The following VWA8 variants were observed in gnomAD, a reference collection of about 807,000 sequenced individuals.
VWA8 encodes von Willebrand factor A domain-containing protein 8.
A neutral mutation model predicts 241.5 loss-of-function variants in VWA8; 221 were observed. That is an observed-to-expected ratio of 0.91 (90% CI 0.82 to 1.02). The LOEUF is 1.02. Ranked by LOEUF, VWA8 falls within the 50% of genes least tolerant of loss-of-function variation. The pLI is 0.00. For synonymous variants in VWA8, 852 were observed against 827.1 expected (o/e 1.03, Z -0.52); for missense variants, 2,322 against 2,328.7 (o/e 1.00, Z 0.06).
chr13:41,954,782 G>T (rs1878284358), intron 1 of VWA8, among the ~76,000 whole-genome samples: 1 of 152,188 alleles, frequency 6.6e-6, no homozygotes, highest in Admixed American at 6.5e-5. Context: ...CTCAGAATTT[G>T]TAATATTTTT....
intron 26 of VWA8, among the ~76,000 whole-genome samples, chr13:41,718,762 G>T (rs1357226523): frequency 6.6e-6 from 1 of 151,256 alleles, no homozygotes; most frequent in African/African-American, 2.4e-5. Context: ...TATAATCAGT[G>T]ATTTATATTT....
intron 16 of VWA8, among the ~76,000 whole-genome samples, chr13:41,813,429 A>G (rs1870555219): frequency 6.6e-6 from 1 of 152,230 alleles, no homozygotes; most frequent in Non-Finnish European, 1.5e-5. Flanking sequence ...GACTGATATC[A>G]AAAGTCAAAT....
intron 9 of VWA8, among the ~76,000 whole-genome samples, chr13:41,874,440 T>C (rs560904890): frequency 2.0e-5 from 3 of 152,000 alleles, no homozygotes; most frequent in East Asian, 1.9e-4. Context: ...AAAACCCCAT[T>C]GTCTCAGCCC....
intron 24 of VWA8, among the ~76,000 whole-genome samples, chr13:41,723,463 A>C (rs2045408546): frequency 1.3e-5 from 2 of 152,338 alleles, no homozygotes; most frequent in South Asian, 4.1e-4. Flanking sequence ...TTCACAGTTC[A>C]TAACAAAGAA....
intron 37 of VWA8, among the ~76,000 whole-genome samples, chr13:41,664,320 C>A (rs762627788): frequency 6.6e-6 from 1 of 151,646 alleles, no homozygotes; most frequent in Non-Finnish European, 1.5e-5. Context: ...CTACTTCTCT[C>A]AAAATTAGAA....
intron 26 of VWA8, among the ~76,000 whole-genome samples, chr13:41,715,011 G>A (rs1214694231): frequency 6.6e-6 from 1 of 151,704 alleles, no homozygotes; most frequent in Non-Finnish European, 1.5e-5. Context: ...CTTAGAATTG[G>A]AATTAATATT....
chr13:41,685,256 A>G lies in VWA8; in HGVS notation c.4132-14T>C, dbSNP rs776944768. On this transcript the variant is annotated splice_polypyrimidine_tract_variant and intron_variant, in intron 34 of 44. Coordinates refer to ENST00000379310, the MANE Select transcript of VWA8 (RefSeq NM_015058.2). ...TTCACTGGGTGACTGAAAAAAAGAA[A>G]GAGATTAAAGTACTGAAGTACCATA... is the stretch of plus-strand genomic sequence containing the variant. The G allele has an allele frequency of 2.1e-5, 33 of 1,607,830 alleles. No individual in the cohort carries two copies. The African/African-American group carries it at 3.6e-4, about 18-fold the overall frequency.
intron 36 of VWA8, among the ~76,000 whole-genome samples, chr13:41,672,269 T>C (rs1439932503): frequency 6.6e-6 from 1 of 152,236 alleles, no homozygotes; most frequent in East Asian, 1.9e-4. Flanking sequence ...CACACATATT[T>C]CATTATATAT....
intron 5 of VWA8, among the ~76,000 whole-genome samples, chr13:41,891,075 T>C (rs760755246): frequency 2.6e-5 from 4 of 151,646 alleles, no homozygotes; most frequent in Non-Finnish European, 4.4e-5. Flanking sequence ...CTAGAAGTCA[T>C]TAGCCTTTTA....
intron 2 of VWA8, among the ~76,000 whole-genome samples, chr13:41,925,415 A>ATTC (rs539551409): frequency 1.3e-3 from 196 of 152,376 alleles, no homozygotes; most frequent in African/African-American, 4.6e-3. Flanking sequence ...CGAAGGTTAA[A>ATTC]AGTCAATTCA....
chr13:41,625,883 C>G (rs1011328796), intron 37 of VWA8, among the ~76,000 whole-genome samples: 1 of 151,670 alleles, frequency 6.6e-6, no homozygotes, highest in Admixed American at 6.6e-5. Flanking sequence ...ACATATACAC[C>G]ATGGAATACT....
At chr13:41,915,623 A>T (rs562202751) in intron 2 of VWA8, among the ~76,000 whole-genome samples, 2 of 152,328 alleles carry the variant, frequency 1.3e-5, no homozygotes, top group African/African-American at 4.8e-5. Context: ...AGCCCAGAGA[A>T]AGAGTTTCTC....
chr13:41,777,066 A>G (rs77981339), intron 20 of VWA8, among the ~76,000 whole-genome samples: 2,120 of 152,262 alleles, frequency 0.014, 14 homozygotes, highest in East Asian at 0.02. Flanking sequence ...CAATAGAGGA[A>G]AATTATCAGG....
At chr13:41,706,788 T>G (rs1593709579) in intron 26 of VWA8, among the ~76,000 whole-genome samples, 1 of 152,224 alleles carries the variant, frequency 6.6e-6, no homozygotes, top group East Asian at 1.9e-4. Context: ...AATATCTGAT[T>G]TGATTAAAAC....
intron 42 of VWA8, among the ~76,000 whole-genome samples, chr13:41,584,404 C>T (rs145845202): frequency 6.6e-5 from 10 of 152,204 alleles, no homozygotes; most frequent in African/African-American, 2.4e-4. Context: ...TCTGTGGACA[C>T]GATGAGGAGT....
At chr13:41,757,672 C>T (rs553424239) in intron 21 of VWA8, among the ~76,000 whole-genome samples, 6 of 151,668 alleles carry the variant, frequency 4.0e-5, no homozygotes, top group Admixed American at 1.3e-4. Flanking sequence ...TTAGCTCCCA[C>T]TTATAAGAGA....
At chr13:41,739,825 TTG>T (rs1157138387) in intron 21 of VWA8, among the ~76,000 whole-genome samples, 1 of 99,018 alleles carries the variant, frequency 1.0e-5, no homozygotes, top group East Asian at 2.8e-4. Context: ...CATTGTTTTT[TTG>T]TTTTTTTTTT....
chr13:41,603,287 C>T (rs1225890950), intron 40 of VWA8, among the ~76,000 whole-genome samples: 1 of 152,112 alleles, frequency 6.6e-6, no homozygotes, highest in Non-Finnish European at 1.5e-5. Flanking sequence ...AGTGGAAGAG[C>T]CATTCCTTGA....
intron 12 of VWA8, among the ~76,000 whole-genome samples, chr13:41,849,344 A>G (rs990277169): frequency 6.6e-6 from 1 of 152,200 alleles, no homozygotes; most frequent in African/African-American, 2.4e-5. Flanking sequence ...CTACTTGCAA[A>G]TATTTGTAAA....
Sources: gnomAD v4.1 joint callset for allele counts (sites outside exome capture counted in the v4.1 genomes callset) on GRCh38, gnomAD v4.1.1 for gene constraint, MANE v1.5 for transcripts, NCBI Gene and HGNC (gene_info 2026-07-23, HGNC 2026-07-21) for gene names.